The following SLC23A2 variants were observed in gnomAD, a reference collection of about 807,000 sequenced individuals.
The protein encoded by SLC23A2 is Na(+)/L-ascorbic acid transporter 2.
A neutral mutation model predicts 73.3 loss-of-function variants in SLC23A2; 36 were observed. The ratio of observed to expected loss-of-function variants is 0.49; its 90% CI spans 0.38 to 0.65. The LOEUF is 0.65. SLC23A2 is among the 30% of genes least tolerant of loss of function. The probability of loss-of-function intolerance (pLI) is 0.00; values close to 1 mark genes in which losing one functional copy is unlikely to be tolerated. For synonymous variants in SLC23A2, 343 were observed against 327.3 expected, an observed-to-expected ratio of 1.05 and a Z score of -0.52; for missense variants, 507 against 841.6, an observed-to-expected ratio of 0.60 and a Z score of 4.92.
chr20:4,885,314 G>A (rs1931053676), intron 7 of SLC23A2, among the ~76,000 whole-genome samples: 1 of 152,204 alleles, frequency 6.6e-6, no homozygotes, highest in Non-Finnish European at 1.5e-5. Flanking sequence ...GTACAGGTCT[G>A]ACTCTAATTT....
intron 3 of SLC23A2, among the ~76,000 whole-genome samples, chr20:4,928,752 A>G (rs1269476464): frequency 1.3e-5 from 2 of 152,198 alleles, no homozygotes; most frequent in Non-Finnish European, 2.9e-5. Context: ...TCAACTTTAT[A>G]ATTAACATCA....
At chr20:4,954,769 G>A (rs906155825) in intron 2 of SLC23A2, among the ~76,000 whole-genome samples, 2 of 149,948 alleles carry the variant, frequency 1.3e-5, no homozygotes, top group South Asian at 4.2e-4. Context: ...GTCAATTTTT[G>A]AATAAAACTC....
chr20:4,966,245 A>C (rs1373404470), intron 2 of SLC23A2, among the ~76,000 whole-genome samples: 1 of 152,096 alleles, frequency 6.6e-6, no homozygotes, highest in East Asian at 1.9e-4. Flanking sequence ...AAAGGTGAGG[A>C]AGGGGAAGCT....
intron 1 of SLC23A2, among the ~76,000 whole-genome samples, chr20:4,983,411 C>T (rs891662824): frequency 6.6e-6 from 1 of 151,996 alleles, no homozygotes; most frequent in East Asian, 1.9e-4. Flanking sequence ...CTTCGGGAGG[C>T]CAAGGCGGGC....
At chr20:4,971,443 C>T (rs1221782553) in intron 1 of SLC23A2, among the ~76,000 whole-genome samples, 1 of 150,924 alleles carries the variant, frequency 6.6e-6, no homozygotes, top group Admixed American at 6.6e-5. Context: ...GCTGTGCAAC[C>T]GCACTCCAGC....
intron 2 of SLC23A2, among the ~76,000 whole-genome samples, chr20:4,944,453 G>A (rs1451198630): frequency 6.6e-6 from 1 of 152,106 alleles, no homozygotes; most frequent in Non-Finnish European, 1.5e-5. Context: ...TGGCCAGGCT[G>A]GTCTTGAACT....
chr20:4,877,247 G>A (rs889812051), intron 9 of SLC23A2, among the ~76,000 whole-genome samples: 11 of 152,230 alleles, frequency 7.2e-5, no homozygotes, highest in African/African-American at 2.4e-4. Context: ...TTGAAAAACT[G>A]TATCATCATT....
At chr20:4,975,881 T>C (rs1046925945) in intron 1 of SLC23A2, among the ~76,000 whole-genome samples, 6 of 149,454 alleles carry the variant, frequency 4.0e-5, no homozygotes, top group African/African-American at 1.5e-4. Flanking sequence ...TGAGACAGAG[T>C]CTCGCTCTGT....
intron 1 of SLC23A2, among the ~76,000 whole-genome samples, chr20:5,009,760 T>C (rs2088228811): frequency 6.6e-6 from 1 of 152,000 alleles, no homozygotes; most frequent in Non-Finnish European, 1.5e-5. Context: ...TAGTCAAGGT[T>C]CTCCAGAGAA....
Position 4,989,003 on chromosome 20 carries a change from G to A in SLC23A2, c.-282+12403C>T, listed in dbSNP as rs191235690. Among the ~76,000 whole-genome samples, 125 of 152,050 alleles carry A rather than the reference G, an allele frequency of 8.2e-4. 1 individual carries two copies. The highest frequency in any genetic ancestry group is 2.6e-3 in the African/African-American group (109 of 41,500). On this transcript the variant is annotated intron_variant, in intron 1 of 16. Coordinates refer to ENST00000338244, the MANE Select transcript of SLC23A2 (RefSeq NM_005116.6). Reference sequence around the variant, plus strand: ...TGTAATCCCAGCACTTTGGGAGGCCGAGGCGGGTGGATCACAAGGTCAGGA... The same window carrying A: ...TGTAATCCCAGCACTTTGGGAGGCCAAGGCGGGTGGATCACAAGGTCAGGA...
chr20:4,892,768 C>T (rs1386709635), intron 6 of SLC23A2, among the ~76,000 whole-genome samples: 5 of 152,084 alleles, frequency 3.3e-5, no homozygotes, highest in African/African-American at 9.6e-5. Flanking sequence ...AAATCAGACA[C>T]GAGACACCAG....
intron 13 of SLC23A2, among the ~76,000 whole-genome samples, chr20:4,865,266 C>G (rs1380777161): frequency 6.6e-6 from 1 of 152,188 alleles, no homozygotes; most frequent in Non-Finnish European, 1.5e-5. Context: ...TGGACACCAA[C>G]AAAGAGATCT....
chr20:5,010,165 A>C (rs2088235147), intron 1 of SLC23A2: 1 of 151,972 alleles, frequency 6.6e-6, no homozygotes, highest in African/African-American at 2.4e-5. Flanking sequence ...GTGATTCTAA[A>C]GGCCAAGAAG....
At chr20:4,936,087 C>A (rs6084941) in intron 2 of SLC23A2, among the ~76,000 whole-genome samples, 1 of 152,090 alleles carries the variant, frequency 6.6e-6, no homozygotes, top group Non-Finnish European at 1.5e-5. Context: ...GGGGGATGAC[C>A]TTTTGAGCTG....
At chr20:4,965,399 A>AC (rs1188830820) in intron 2 of SLC23A2, among the ~76,000 whole-genome samples, 1 of 152,114 alleles carries the variant, frequency 6.6e-6, no homozygotes, top group Non-Finnish European at 1.5e-5. Context: ...TAGTTACTAT[A>AC]CTTCTTCACA....
At chr20:4,969,047 G>C (rs2087520239) in intron 2 of SLC23A2, among the ~76,000 whole-genome samples, 1 of 151,670 alleles carries the variant, frequency 6.6e-6, no homozygotes, top group African/African-American at 2.4e-5. Context: ...AGTAAGTAGA[G>C]ACTTCTTTAT....
chr20:4,943,396 G>A (rs1473845304), intron 2 of SLC23A2, among the ~76,000 whole-genome samples: 5 of 151,940 alleles, frequency 3.3e-5, no homozygotes, highest in Admixed American at 2.0e-4. Flanking sequence ...GGCCAGGCAC[G>A]GTGGATCACA....
chr20:4,932,500 G>T lies in SLC23A2; in HGVS notation c.63C>A (p.Gly21=), dbSNP rs1230262251. The change falls in exon 3 of 17, where the codon GGC becomes GGA. Residue 21 remains glycine, a synonymous_variant. Transcript: ENST00000338244. ...GGTGCTTTGCCTCGTCTTCGTATTTGCCTTCTGTTGAACTTCCAGCCTCCA... is the reference window on the plus strand; with the variant it reads ...GGTGCTTTGCCTCGTCTTCGTATTTTCCTTCTGTTGAACTTCCAGCCTCCA... ...KSMEAGSSTE[G]KYEDEAKHPA... 6.2e-7 allele frequency: 1 copy of T among 1,610,118 alleles called. No individual in the cohort carries two copies. Among genetic ancestry groups the T allele is most frequent in the Non-Finnish European group, 8.5e-7 (1 of 1,176,330 alleles).
At position 4,862,945 on chromosome 20, in the gene SLC23A2, T is replaced by C. The variant is rs1461028155; in HGVS notation, c.1357-38A>G. The C allele has an allele frequency of 7.6e-6, 12 of 1,587,816 alleles. No homozygotes were observed. The East Asian group carries it at 2.5e-4, about 33-fold the overall frequency. On this transcript the variant is annotated intron_variant, in intron 13 of 16. Coordinates refer to ENST00000338244, the MANE Select transcript of SLC23A2 (RefSeq NM_005116.6). The surrounding 1 kb of genome is among the most constrained non-coding windows in gnomAD (Gnocchi z 5.1). ...CAGGAGACTGGGAAACAGGGACTCATCTCCATGCAAAATCACCGTAAGTTA... is the reference window on the plus strand; with the variant it reads ...CAGGAGACTGGGAAACAGGGACTCACCTCCATGCAAAATCACCGTAAGTTA...
Sources: gnomAD v4.1 joint callset for allele counts (sites outside exome capture counted in the v4.1 genomes callset) on GRCh38, gnomAD v4.1.1 for gene constraint, Gnocchi (gnomAD v3.1) non-coding constraint, MANE v1.5 for transcripts, NCBI Gene and HGNC (gene_info 2026-07-23, HGNC 2026-07-21) for gene names.